The following CCSER1 variants were observed in gnomAD, a reference collection of about 807,000 sequenced individuals.
CCSER1 encodes coiled-coil serine rich protein 1.
In CCSER1, 41 loss-of-function variants were observed where a neutral mutation model predicts 82.0. The ratio of observed to expected loss-of-function variants is 0.50; its 90% CI spans 0.39 to 0.65. CCSER1 has a LOEUF of 0.65. Among genes scored for constraint, CCSER1 ranks in the 30% least tolerant of loss-of-function variants. The pLI is 0.00. For missense variants in CCSER1, 1,119 were observed against 1,064.2 expected (o/e 1.05, Z -0.72); for synonymous variants, 414 against 383.9 (o/e 1.08, Z -0.92).
chr4:90,778,588 A>G (rs1753282371), intron 7 of CCSER1, among the ~76,000 whole-genome samples: 3 of 151,416 alleles, frequency 2.0e-5, no homozygotes. Context: ...AAAATCTATC[A>G]TTCTGCAAAC....
At chr4:91,204,110 T>C (rs1266792986) in intron 10 of CCSER1, among the ~76,000 whole-genome samples, 1 of 151,906 alleles carries the variant, frequency 6.6e-6, no homozygotes, top group African/African-American at 2.4e-5. Context: ...AGGTTTATTA[T>C]TACCACTCTC....
At position 90,799,320 on chromosome 4, in the gene CCSER1, C is replaced by T. The variant is rs557348142; in HGVS notation, c.2011-16442C>T. Among the ~76,000 whole-genome samples the T allele has an allele frequency of 8.3e-4, 127 of 152,264 alleles. 1 individual carries two copies. The highest frequency in any genetic ancestry group is 5.0e-3 in the Admixed American group (76 of 15,288). ...GGTTCTGTGCCTGCCAAGGCTCTGT[C>T]TGCTCTGCAATGGCAGTTGGCGGAG... is the stretch of plus-strand genomic sequence containing the variant. On this transcript the variant is annotated intron_variant, in intron 7 of 10. Coordinates refer to ENST00000509176, the MANE Select transcript of CCSER1 (RefSeq NM_001145065.2).
chr4:90,230,741 A>G (rs1028320845), intron 1 of CCSER1, among the ~76,000 whole-genome samples: 20 of 151,470 alleles, frequency 1.3e-4, no homozygotes, highest in African/African-American at 3.1e-4. Context: ...TAATAAAGAA[A>G]AAAAGAGAGA....
At chr4:91,385,396 A>G (rs1751220766) in intron 10 of CCSER1, among the ~76,000 whole-genome samples, 1 of 152,044 alleles carries the variant, frequency 6.6e-6, no homozygotes, top group African/African-American at 2.4e-5. Context: ...ATCTGAATAA[A>G]AAGAAACAGA....
chr4:90,706,873 A>G (rs1739453737), intron 6 of CCSER1, among the ~76,000 whole-genome samples: 1 of 152,210 alleles, frequency 6.6e-6, no homozygotes, highest in Non-Finnish European at 1.5e-5. Context: ...TTTGTGAAAG[A>G]ATGAGTTTGA....
intron 6 of CCSER1, among the ~76,000 whole-genome samples, chr4:90,686,163 A>G (rs1355227344): frequency 1.3e-5 from 2 of 152,204 alleles, no homozygotes; most frequent in Admixed American, 1.3e-4. Flanking sequence ...TTATCCAGCA[A>G]GTTATTTATT....
At chr4:91,168,337 G>A (rs1333483158) in intron 10 of CCSER1, among the ~76,000 whole-genome samples, 6 of 139,582 alleles carry the variant, frequency 4.3e-5, no homozygotes, top group African/African-American at 1.6e-4. Context: ...CACCCCCTCT[G>A]GGAAGTGAGG....
At chr4:91,402,144 G>T (rs558302430) in intron 10 of CCSER1, among the ~76,000 whole-genome samples, 35 of 152,168 alleles carry the variant, frequency 2.3e-4, no homozygotes. Context: ...TCTCTGATGG[G>T]CAGTGATGAT....
intron 5 of CCSER1, among the ~76,000 whole-genome samples, chr4:90,527,449 A>C (rs1773932596): frequency 6.6e-6 from 1 of 151,982 alleles, no homozygotes; most frequent in Non-Finnish European, 1.5e-5. Flanking sequence ...ATGAGAGATA[A>C]GTGGGAGAAA....
At chr4:90,199,868 T>C (rs924125451) in intron 1 of CCSER1, among the ~76,000 whole-genome samples, 2 of 152,148 alleles carry the variant, frequency 1.3e-5, no homozygotes, top group Non-Finnish European at 2.9e-5. Context: ...AACTTGATAT[T>C]TGCTTCTCAC....
At chr4:90,935,082 A>G (rs1262132966) in intron 9 of CCSER1, among the ~76,000 whole-genome samples, 1 of 152,020 alleles carries the variant, frequency 6.6e-6, no homozygotes, top group Non-Finnish European at 1.5e-5. Context: ...ATAACTAGAG[A>G]GAGGGAGAGA....
intron 1 of CCSER1, among the ~76,000 whole-genome samples, chr4:90,188,150 C>G (rs1734954993): frequency 6.6e-6 from 1 of 151,884 alleles, no homozygotes; most frequent in Non-Finnish European, 1.5e-5. Flanking sequence ...CCACTCTTCT[C>G]CATTGCTCAT....
In CCSER1 at chr4:91,092,193, G is replaced by A. The variant is rs118067802; in HGVS notation, c.2217+6199G>A. On this transcript the variant is annotated intron_variant, in intron 10 of 10. Transcript: ENST00000509176. ...TCCGGAACTGTGAGGTTGGTAGGCG[G>A]CATGTAGCTTCCAAGTGAGTCCCAA... Among the ~76,000 whole-genome samples the A allele has an allele frequency of 2.1e-3, 317 of 152,272 alleles. 6 individuals are homozygous for A. The East Asian group carries it at 0.054, about 26-fold the overall frequency.
intron 5 of CCSER1, among the ~76,000 whole-genome samples, chr4:90,592,875 T>C (rs539284070): frequency 7.9e-5 from 12 of 152,278 alleles, no homozygotes; most frequent in African/African-American, 2.9e-4. Flanking sequence ...GCTGTATGTG[T>C]TAACTCAGTA....
At chr4:90,332,119 C>A (rs184391711) in intron 3 of CCSER1, among the ~76,000 whole-genome samples, 1 of 152,064 alleles carries the variant, frequency 6.6e-6, no homozygotes, top group South Asian at 2.1e-4. Context: ...CTACTGTTCC[C>A]GCATGTGAAT....
chr4:90,268,188 A>C (rs1285744709), intron 1 of CCSER1, among the ~76,000 whole-genome samples: 2 of 152,202 alleles, frequency 1.3e-5, no homozygotes, highest in African/African-American at 4.8e-5. Context: ...AATGTTAATG[A>C]GCAATAAGGA....
At chr4:91,155,908 C>T (rs991414989) in intron 10 of CCSER1, among the ~76,000 whole-genome samples, 2 of 151,716 alleles carry the variant, frequency 1.3e-5, no homozygotes, top group African/African-American at 4.8e-5. Flanking sequence ...TTTATCACAT[C>T]CTTAAAAACT....
chr4:91,335,404 G>A (rs527802356), intron 10 of CCSER1, among the ~76,000 whole-genome samples: 5 of 152,070 alleles, frequency 3.3e-5, no homozygotes, highest in African/African-American at 4.8e-5. Flanking sequence ...CAGCGGGAAG[G>A]GTGGCTGTGA....
At chr4:90,528,239 A>G (rs773455750) in intron 5 of CCSER1, among the ~76,000 whole-genome samples, 1 of 151,946 alleles carries the variant, frequency 6.6e-6, no homozygotes, top group South Asian at 2.1e-4. Context: ...TGTTTTGCAG[A>G]TTTTTTTTCT....
Sources: gnomAD v4.1 joint callset for allele counts (sites outside exome capture counted in the v4.1 genomes callset) on GRCh38, gnomAD v4.1.1 for gene constraint, MANE v1.5 for transcripts, NCBI Gene and HGNC (gene_info 2026-07-23, HGNC 2026-07-21) for gene names.